The following ACOT7 variants were observed in gnomAD, a reference collection of about 807,000 sequenced individuals.
ACOT7 encodes acyl-CoA thioesterase 7.
ACOT7 carries 12 observed loss-of-function variants against 40.2 expected under a neutral mutation model. The ratio of observed to expected loss-of-function variants is 0.30; its 90% CI spans 0.19 to 0.48. ACOT7 has a LOEUF of 0.48. ACOT7 is among the 20% of genes least tolerant of loss of function. The pLI is 0.99. For synonymous variants in ACOT7, 228 were observed against 219.5 expected, an observed-to-expected ratio of 1.04 and a Z score of -0.34; for missense variants, 395 against 530.8, an observed-to-expected ratio of 0.74 and a Z score of 2.51.
chr1:6,357,168 C>T (rs1041022391), intron 1 of ACOT7, among the ~76,000 whole-genome samples: 18 of 151,738 alleles, frequency 1.2e-4, no homozygotes, highest in African/African-American at 3.4e-4. Flanking sequence ...ACCCAAGAAG[C>T]GAAGTTTGTG....
chr1:6,288,893 C>T lies in ACOT7; in HGVS notation c.829+5971G>A, dbSNP rs1639587016. Reference sequence around the variant, plus strand: ...TGAAGCAAAGCTGTCCGTGTAACTTCCTGACAGACACCCCACCCAAGCGAG... The same window carrying T: ...TGAAGCAAAGCTGTCCGTGTAACTTTCTGACAGACACCCCACCCAAGCGAG... On this transcript the variant is annotated intron_variant, in intron 7 of 8. Coordinates refer to ENST00000361521, the MANE Select transcript of ACOT7 (RefSeq NM_007274.4). The surrounding 1 kb of genome is among the most constrained non-coding windows in gnomAD (Gnocchi z 4.3). 6.6e-6 allele frequency among the ~76,000 whole-genome samples: 1 copy of T among 152,226 alleles called. No homozygotes were observed. Among genetic ancestry groups the T allele is most frequent in the South Asian group, 2.1e-4 (1 of 4,828 alleles).
At chr1:6,366,177 G>A (rs767383427) in intron 1 of ACOT7, among the ~76,000 whole-genome samples, 11 of 151,722 alleles carry the variant, frequency 7.3e-5, no homozygotes, top group South Asian at 2.1e-4. Flanking sequence ...ATTACCGCCC[G>A]GCCTGCAGAC....
chr1:6,349,824 G>A lies in ACOT7; in HGVS notation c.186C>T (p.His62=), dbSNP rs562460126. ...CGATCATCTTCAGGATGGTCCCCCC[G>A]TGGACATTGCCGGCCACGTTGGCAT... ...PDDANVAGNV[H]GGTILKMIEE... Residue 62 remains histidine, a synonymous_variant, in exon 2 of 9, where the codon CAC becomes CAT. Coordinates refer to ENST00000361521, the MANE Select transcript of ACOT7 (RefSeq NM_007274.4). 315 of 1,614,102 alleles carry A rather than the reference G, an allele frequency of 2.0e-4. 4 individuals carry two copies. The South Asian group carries it at 3.2e-3, about 16-fold the overall frequency.
intron 7 of ACOT7, among the ~76,000 whole-genome samples, chr1:6,292,110 G>A (rs2148392366): frequency 6.6e-6 from 1 of 152,338 alleles, no homozygotes; most frequent in African/African-American, 2.4e-5. Flanking sequence ...GAGTCTAGTG[G>A]GCCCTGGAGG....
rs1270295201 is a variant in ACOT7, at chr1:6,306,305, C to T, written c.713-11325G>A. On this transcript the variant is annotated intron_variant, in intron 6 of 8. Transcript: ENST00000361521. The surrounding 1 kb of genome is among the most constrained non-coding windows in gnomAD (Gnocchi z 4.3). ...TATTTCTGGAAAGGGGTCAGTGCCCCATGATTTGAGAGGGATGACGTGCTG... is the reference window on the plus strand; with the variant it reads ...TATTTCTGGAAAGGGGTCAGTGCCCTATGATTTGAGAGGGATGACGTGCTG... The T allele has an allele frequency of 1.0e-6, 1 of 985,138 alleles. No homozygotes were observed. The highest frequency in any genetic ancestry group is 1.2e-6 in the Non-Finnish European group (1 of 829,904). The allele number at this position is 985,138 out of a possible 1,614,324, so 61.0% of individuals were successfully genotyped here.
At chr1:6,267,366 G>A (rs1444483691) in intron 8 of ACOT7, among the ~76,000 whole-genome samples, 2 of 152,236 alleles carry the variant, frequency 1.3e-5, no homozygotes, top group African/African-American at 4.8e-5. Context: ...CAGCTTAGGA[G>A]CTGTTACCAT....
intron 5 of ACOT7, among the ~76,000 whole-genome samples, chr1:6,325,774 C>T (rs937229279): frequency 6.6e-6 from 1 of 152,222 alleles, no homozygotes; most frequent in Non-Finnish European, 1.5e-5. Context: ...CTCATCTGTG[C>T]GCCCACTGGG....
At chr1:6,321,135 T>G (rs72854401) in intron 5 of ACOT7, among the ~76,000 whole-genome samples, 14,854 of 152,176 alleles carry the variant, frequency 0.098, 1,862 homozygotes, top group African/African-American at 0.29. Flanking sequence ...CATGGTCCTT[T>G]GCTCAGCCTC....
chr1:6,338,816 G>A lies in ACOT7; in HGVS notation c.418+617C>T, dbSNP rs1027748184. Among the ~76,000 whole-genome samples the A allele has an allele frequency of 1.3e-5, 2 of 152,114 alleles. No individual in the cohort carries two copies. The highest frequency in any genetic ancestry group is 2.9e-5 in the Non-Finnish European group (2 of 68,024). On this transcript the variant is annotated intron_variant, in intron 3 of 8. Coordinates refer to ENST00000361521, the MANE Select transcript of ACOT7 (RefSeq NM_007274.4). The surrounding 1 kb of genome is among the most constrained non-coding windows in gnomAD (Gnocchi z 4.4). ...AGGCCCGCCTTCCCCCTCACCTCCC[G>A]TCCCCAGCCTGGGTATAAAAAGAAG... is the stretch of plus-strand genomic sequence containing the variant.
intron 2 of ACOT7, among the ~76,000 whole-genome samples, chr1:6,344,811 T>C (rs1217704134): frequency 1.4e-5 from 2 of 143,074 alleles, no homozygotes; most frequent in Admixed American, 7.1e-5. Context: ...AGAAAAGTAA[T>C]GTCTCCCAGG....
At chr1:6,266,789 G>A (rs1485177096) in intron 8 of ACOT7, among the ~76,000 whole-genome samples, 1 of 152,282 alleles carries the variant, frequency 6.6e-6, no homozygotes, top group Non-Finnish European at 1.5e-5. Context: ...CTGGCTTCCT[G>A]CCTACCTTGA....
At chr1:6,314,522 T>C (rs1640427633) in intron 6 of ACOT7, among the ~76,000 whole-genome samples, 1 of 151,820 alleles carries the variant, frequency 6.6e-6, no homozygotes. Flanking sequence ...CCCAAGAACT[T>C]CCCTCTCCCA....
rs1046960906 is a variant in ACOT7 at position 6,381,861 on chromosome 1, G to A, written c.143+11396C>T. Among the ~76,000 whole-genome samples, 5 of 151,938 alleles carry A rather than the reference G, an allele frequency of 3.3e-5. 1 individual carries two copies. The highest frequency in any genetic ancestry group is 1.3e-4 in the Admixed American group (2 of 15,266). On this transcript the variant is annotated intron_variant, in intron 1 of 8. Coordinates refer to ENST00000361521, the MANE Select transcript of ACOT7 (RefSeq NM_007274.4). Reference sequence around the variant, plus strand: ...TTAAAAGGAAGGGAATGAGCCGGGCGCGGTGGCTCACGCCTGTAATCCCAG... The same window carrying A: ...TTAAAAGGAAGGGAATGAGCCGGGCACGGTGGCTCACGCCTGTAATCCCAG...
intron 2 of ACOT7, among the ~76,000 whole-genome samples, chr1:6,341,384 C>T (rs963031536): frequency 6.6e-6 from 1 of 152,104 alleles, no homozygotes; most frequent in Non-Finnish European, 1.5e-5. Context: ...CCGCCTGCCT[C>T]ATCCTCCCAA....
intron 6 of ACOT7, among the ~76,000 whole-genome samples, chr1:6,307,313 G>A (rs534583790): frequency 6.6e-6 from 1 of 152,384 alleles, no homozygotes; most frequent in South Asian, 2.1e-4. Context: ...CACCAGCACA[G>A]TCCGCAGTCC....
chr1:6,268,898 C>T (rs375460205), intron 8 of ACOT7, among the ~76,000 whole-genome samples: 6 of 152,174 alleles, frequency 3.9e-5, no homozygotes, highest in Admixed American at 6.5e-5. Context: ...CTCCAGCCGC[C>T]GAGGGCGTGG....
Position 6,264,589 on chromosome 1 carries a change from G to A in ACOT7, c.*8C>T, listed in dbSNP as rs369235473. ...CTACTCGAGGCACCAGTGGCAGGAG[G>A]AGGGAGTCTAGGGCTGAGGCTCCGC... On this transcript the variant is annotated 3_prime_UTR_variant, in exon 9 of 9. Coordinates refer to ENST00000361521, the MANE Select transcript of ACOT7 (RefSeq NM_007274.4). 2.5e-6 allele frequency: 4 copies of A among 1,609,716 alleles called. No individual in the cohort carries two copies. The highest frequency in any genetic ancestry group is 2.7e-5 in the African/African-American group (2 of 74,852).
intron 1 of ACOT7, among the ~76,000 whole-genome samples, chr1:6,356,211 G>A (rs978190932): frequency 6.6e-6 from 1 of 152,164 alleles, no homozygotes; most frequent in Non-Finnish European, 1.5e-5. Context: ...AGAGACGGGA[G>A]CAGCCTCCCG....
intron 2 of ACOT7, 146 bp from the exon 3 acceptor site, chr1:6,339,735 C>A: frequency 2.5e-6 from 2 of 808,888 alleles, no homozygotes; most frequent in South Asian, 2.0e-5. Context: ...TTATTGGCAC[C>A]GCGGTTTTTT....
Sources: gnomAD v4.1 joint callset for allele counts (sites outside exome capture counted in the v4.1 genomes callset) on GRCh38, gnomAD v4.1.1 for gene constraint, Gnocchi (gnomAD v3.1) non-coding constraint, MANE v1.5 for transcripts, NCBI Gene and HGNC (gene_info 2026-07-23, HGNC 2026-07-21) for gene names.